ANXA2: variants seen among roughly 807,000 people sequenced by gnomAD.
The protein encoded by ANXA2 is annexin II.
A neutral mutation model predicts 47.3 loss-of-function variants in ANXA2; 28 were observed. The observed-to-expected ratio is 0.59, with a 90% CI of 0.44 to 0.81. The LOEUF is 0.81. Ranked by LOEUF, ANXA2 falls within the 40% of genes least tolerant of loss-of-function variation. The pLI, the probability that ANXA2 is intolerant of heterozygous loss-of-function variation, is 0.00. For synonymous variants in ANXA2, 172 were observed against 155.5 expected, an observed-to-expected ratio of 1.11 and a Z score of -0.79; for missense variants, 384 against 414.3, an observed-to-expected ratio of 0.93 and a Z score of 0.64.
At chr15:60,368,408 A>C (rs2062667561) in intron 3 of ANXA2, among the ~76,000 whole-genome samples, 2 of 152,260 alleles carry the variant, frequency 1.3e-5, no homozygotes, top group South Asian at 4.1e-4. Context: ...ATTGTATACA[A>C]TATTGAAAAG....
At chr15:60,379,458 C>T (rs1438341399) in intron 3 of ANXA2, among the ~76,000 whole-genome samples, 1 of 144,984 alleles carries the variant, frequency 6.9e-6, no homozygotes, top group Non-Finnish European at 1.5e-5. Context: ...GAAAATAATT[C>T]AAGGCAATGA....
intron 11 of ANXA2, among the ~76,000 whole-genome samples, chr15:60,349,804 G>A (rs1895907714): frequency 7.0e-6 from 1 of 142,420 alleles, no homozygotes; most frequent in Admixed American, 7.2e-5. Context: ...GAGAAGAAAG[G>A]GAAAGGGAAA....
intron 8 of ANXA2, 102 bp downstream of exon 8, chr15:60,354,052 C>T: frequency 1.1e-6 from 1 of 875,910 alleles, no homozygotes; most frequent in Non-Finnish European, 1.8e-6. Flanking sequence ...TTTTAAGCCA[C>T]AGAGTTTGGG....
chr15:60,376,463 A>AT (rs1346535910), intron 3 of ANXA2, among the ~76,000 whole-genome samples: 1 of 152,100 alleles, frequency 6.6e-6, no homozygotes, highest in Non-Finnish European at 1.5e-5. Context: ...GAAGGGGTGA[A>AT]TAAGAGCTGC....
chr15:60,389,416 G>C (rs1018554782), intron 1 of ANXA2, among the ~76,000 whole-genome samples: 1 of 152,142 alleles, frequency 6.6e-6, no homozygotes, highest in African/African-American at 2.4e-5. Flanking sequence ...TGTCTTTCCA[G>C]CTCTGAGCTT....
At chr15:60,378,585 G>T (rs1236334477) in intron 3 of ANXA2, among the ~76,000 whole-genome samples, 1 of 152,158 alleles carries the variant, frequency 6.6e-6, no homozygotes, top group African/African-American at 2.4e-5. Flanking sequence ...AAGGATTTAG[G>T]GTTTTAATAA....
intron 1 of ANXA2, chr15:60,396,360 A>G (rs1244462434): frequency 6.6e-6 from 1 of 152,196 alleles, no homozygotes; most frequent in African/African-American, 2.4e-5. Flanking sequence ...AGGAGGAAGG[A>G]ATGCAGCGTA....
rs753811017 is a variant in ANXA2 at position 60,351,246 on chromosome 15, A to C, written c.784T>G (p.Cys262Gly). 1.9e-6 allele frequency: 3 copies of C among 1,614,222 alleles called. No individual in the cohort carries two copies. In the Admixed American group the frequency reaches 5.0e-5, roughly 27 times the overall value. ...LENAFLNLVQCIQNKPLYFAD... is the reference protein window; with the variant it reads ...LENAFLNLVQGIQNKPLYFAD... ...AAATACAGGGGCTTGTTCTGAATGC[A>C]CTGAACTGTGGAGAGAAGAAAGGGA... Residue 262 changes from cysteine to glycine, a missense_variant, in exon 11 of 13, where the codon TGC (cysteine) becomes GGC (glycine). Cys to Gly is a radical substitution (Grantham distance 159). Transcript: ENST00000451270.
Position 60,373,733 on chromosome 15 carries a change from G to C in ANXA2, c.148+8609C>G, listed in dbSNP as rs114527240. On this transcript the variant is annotated intron_variant, in intron 3 of 12. Coordinates refer to ENST00000451270, the MANE Select transcript of ANXA2 (RefSeq NM_004039.3). ...CTAGGTATCTCACCCCTATAGAACAGAGATAATGATAATACTTATTTTACC... is the reference window on the plus strand; with the variant it reads ...CTAGGTATCTCACCCCTATAGAACACAGATAATGATAATACTTATTTTACC... 1.5e-3 allele frequency among the ~76,000 whole-genome samples: 225 copies of C among 152,280 alleles called. 1 individual carries two copies. The highest frequency in any genetic ancestry group is 5.1e-3 in the African/African-American group (212 of 41,560).
At chr15:60,366,139 G>A (rs928040406) in intron 3 of ANXA2, among the ~76,000 whole-genome samples, 1 of 135,192 alleles carries the variant, frequency 7.4e-6, no homozygotes, top group African/African-American at 2.9e-5. Flanking sequence ...ATGGAGTCTC[G>A]TTCACTCAGT....
At chr15:60,348,419 C>T (rs537348551) in intron 12 of ANXA2, among the ~76,000 whole-genome samples, 4 of 152,246 alleles carry the variant, frequency 2.6e-5, no homozygotes, top group Middle Eastern at 3.4e-3. Flanking sequence ...AGGCCTATCC[C>T]AGAGGATTTT....
chr15:60,391,983 G>A (rs1240639674), intron 1 of ANXA2, among the ~76,000 whole-genome samples: 1 of 151,996 alleles, frequency 6.6e-6, no homozygotes. Context: ...TCCCAGGGAG[G>A]GCAGGGTCAC....
intron 3 of ANXA2, among the ~76,000 whole-genome samples, chr15:60,371,926 C>A (rs554889001): frequency 6.6e-6 from 1 of 152,160 alleles, no homozygotes; most frequent in Middle Eastern, 3.4e-3. Flanking sequence ...CCAAGGTGGG[C>A]GGACCACGAG....
chr15:60,373,972 G>C (rs1419825570), intron 3 of ANXA2, among the ~76,000 whole-genome samples: 4 of 152,218 alleles, frequency 2.6e-5, no homozygotes, highest in Admixed American at 6.5e-5. Context: ...AGATGGGAGA[G>C]AAAGTAGGCA....
intron 1 of ANXA2, chr15:60,393,493 A>AC (rs2063041378): frequency 2.0e-6 from 2 of 990,988 alleles, no homozygotes; most frequent in Non-Finnish European, 2.4e-6. Flanking sequence ...CTGTGGACTT[A>AC]CCTACCTTTC....
rs2062369913 is a variant in ANXA2, at chr15:60,352,833, G to A, written c.589-357C>T. On this transcript the variant is annotated intron_variant, in intron 8 of 12. Transcript: ENST00000451270. The surrounding 1 kb of genome is among the most constrained non-coding windows in gnomAD (Gnocchi z 4.2). ...CTCCCTTTGGGCACATTTAGGGGCA[G>A]ATAAGCTAGCAGATGTTTACTGGAC... Among the ~76,000 whole-genome samples, 1 of 152,188 alleles carries A rather than the reference G, an allele frequency of 6.6e-6. No homozygotes were observed. Among genetic ancestry groups the A allele is most frequent in the Admixed American group, 6.5e-5 (1 of 15,288 alleles).
chr15:60,379,252 T>C (rs1276227657), intron 3 of ANXA2, among the ~76,000 whole-genome samples: 1 of 151,992 alleles, frequency 6.6e-6, no homozygotes, highest in Non-Finnish European at 1.5e-5. Context: ...CACTCCAGCC[T>C]GGGTGACACA....
chr15:60,355,675 T>C (rs1195405599), intron 7 of ANXA2: 4 of 565,450 alleles, frequency 7.1e-6, no homozygotes, highest in African/African-American at 5.6e-5. Flanking sequence ...AGGCCAGGAC[T>C]TGAGAGCCGC....
At chr15:60,380,826 G>C (rs142471799) in intron 3 of ANXA2, among the ~76,000 whole-genome samples, 3 of 110,256 alleles carry the variant, frequency 2.7e-5, no homozygotes, top group East Asian at 2.6e-4. Context: ...AAAAAAAAAA[G>C]ATTTTTTTTT....
Sources: allele counts gnomAD v4.1 joint callset (sites outside exome capture counted in the v4.1 genomes callset), GRCh38; gene constraint gnomAD v4.1.1; non-coding constraint Gnocchi (gnomAD v3.1); transcripts MANE v1.5; gene names NCBI Gene and HGNC (gene_info 2026-07-23, HGNC 2026-07-21).